SLC6A15: variants seen among roughly 807,000 people sequenced by gnomAD.
SLC6A15 encodes the protein solute carrier family 6 member 15.
Under a neutral mutation model 68.5 loss-of-function variants are expected in SLC6A15, and 33 were observed. The observed-to-expected ratio is 0.48, with a 90% CI of 0.37 to 0.64. The LOEUF is 0.64. Ranked by LOEUF, SLC6A15 falls within the 30% of genes least tolerant of loss-of-function variation. The pLI is 0.00. For missense variants in SLC6A15, 747 were observed against 874.3 expected (o/e 0.85, Z 1.84); for synonymous variants, 347 against 301.0 (o/e 1.15, Z -1.58).
intron 2 of SLC6A15, among the ~76,000 whole-genome samples, chr12:84,891,278 G>A (rs1466211722): frequency 6.6e-6 from 1 of 152,134 alleles, no homozygotes; most frequent in Non-Finnish European, 1.5e-5. Flanking sequence ...TGCATAAAAT[G>A]CCTAAGAATG....
In SLC6A15 at chr12:84,891,905, C is replaced by T. The variant is rs770670169; in HGVS notation, c.216G>A (p.Leu72=). ...PAWNSKLQYI[L]AQVGFSVGLG... ...AACCTACAGAAAATCCAACTTGGGCCAGGATGTATTGTAGTTTACTGTTCC... is the reference window on the plus strand; with the variant it reads ...AACCTACAGAAAATCCAACTTGGGCTAGGATGTATTGTAGTTTACTGTTCC... The change falls in exon 2 of 12, where the codon CTG becomes CTA. Residue 72 remains leucine, a synonymous_variant. Coordinates refer to ENST00000266682, the MANE Select transcript of SLC6A15 (RefSeq NM_182767.6). The T allele has an allele frequency of 6.2e-7, 1 of 1,613,962 alleles. No individual in the cohort carries two copies. Among genetic ancestry groups the T allele is most frequent in the Admixed American group, 1.7e-5 (1 of 59,992 alleles).
chr12:84,908,246 A>T (rs959092736), intron 1 of SLC6A15, among the ~76,000 whole-genome samples: 3 of 152,094 alleles, frequency 2.0e-5, no homozygotes, highest in Non-Finnish European at 4.4e-5. Flanking sequence ...GGGACTCAAC[A>T]CCCATCTCAA....
Position 84,912,692 on chromosome 12 carries a change from C to T in SLC6A15, c.-358G>A, listed in dbSNP as rs1027683136. ...GGACCCGGAGCTGGGTTTTGGGGGT[C>T]GCCGCCCTGCAGGCTGGCAAGGAGA... is the stretch of plus-strand genomic sequence containing the variant. On this transcript the variant is annotated 5_prime_UTR_variant, in exon 1 of 12. Coordinates refer to ENST00000266682, the MANE Select transcript of SLC6A15 (RefSeq NM_182767.6). 1.3e-5 allele frequency: 2 copies of T among 152,540 alleles called. No homozygotes were observed. The highest frequency in any genetic ancestry group is 2.9e-5 in the Non-Finnish European group (2 of 68,402). 9.4% of individuals were successfully genotyped at this position (152,540 alleles called of 1,614,324 possible). A position where few individuals can be genotyped will look rare whatever the true frequency, so the allele number is the denominator to read the frequency against.
At chr12:84,884,887 A>C (rs1408502771) in intron 4 of SLC6A15, among the ~76,000 whole-genome samples, 4 of 151,936 alleles carry the variant, frequency 2.6e-5, no homozygotes, top group African/African-American at 7.2e-5. Context: ...AAAATATTTC[A>C]TCTATTTCTT....
chr12:84,906,976 GA>G lies in SLC6A15; in HGVS notation c.-189+5546del, dbSNP rs950755525. Among the ~76,000 whole-genome samples, 46 of 148,188 alleles carry G rather than the reference GA, an allele frequency of 3.1e-4. No individual in the cohort carries two copies. The Middle Eastern group carries it at 0.01, about 33-fold the overall frequency. ...TGAGAAAGAATCTATTAAGAGGATGGAAAAAAAAAAGCTTAAAAATGGGAGA... is the reference window on the plus strand; with the variant it reads ...TGAGAAAGAATCTATTAAGAGGATGGAAAAAAAAAGCTTAAAAATGGGAGA... On this transcript the variant is annotated intron_variant, in intron 1 of 11. Coordinates refer to ENST00000266682, the MANE Select transcript of SLC6A15 (RefSeq NM_182767.6).
intron 1 of SLC6A15, 137 bp from the exon 2 acceptor site, chr12:84,892,445 C>G (rs1872454082): frequency 5.5e-6 from 1 of 181,412 alleles, no homozygotes; most frequent in Non-Finnish European, 1.1e-5. Flanking sequence ...CATTTCAGAG[C>G]TTAATATTCC....
intron 1 of SLC6A15, among the ~76,000 whole-genome samples, chr12:84,895,212 A>G (rs186162375): frequency 1.3e-5 from 2 of 152,122 alleles, no homozygotes; most frequent in African/African-American, 4.8e-5. Context: ...GACATTGTTT[A>G]TCTTACTCAC....
intron 1 of SLC6A15, among the ~76,000 whole-genome samples, chr12:84,900,707 T>C (rs1244699938): frequency 6.6e-6 from 1 of 151,760 alleles, no homozygotes; most frequent in Non-Finnish European, 1.5e-5. Flanking sequence ...GATAACCATA[T>C]CAGTTCTTCA....
chr12:84,868,503 C>T (rs1482480210), intron 9 of SLC6A15, among the ~76,000 whole-genome samples: 2 of 152,066 alleles, frequency 1.3e-5, no homozygotes, highest in African/African-American at 2.4e-5. Context: ...CCTAATTACA[C>T]CCCAGTATGA....
intron 1 of SLC6A15, among the ~76,000 whole-genome samples, chr12:84,903,369 C>T (rs1273871138): frequency 6.6e-6 from 1 of 151,636 alleles, no homozygotes; most frequent in Non-Finnish European, 1.5e-5. Flanking sequence ...GCACATGTAC[C>T]CTAAAACTTA....
In SLC6A15 at chr12:84,860,768, A is replaced by C. The variant is rs1490719160; in HGVS notation, c.*864T>G. On this transcript the variant is annotated 3_prime_UTR_variant, in exon 12 of 12. Coordinates refer to ENST00000266682, the MANE Select transcript of SLC6A15 (RefSeq NM_182767.6). ...AGCAAAACAGAAATATATTAATTAA[A>C]ATGCCATCTTGCTTCAAGTTTTCAA... 6.6e-6 allele frequency: 1 copy of C among 152,174 alleles called. No individual in the cohort carries two copies. 9.4% of individuals were successfully genotyped at this position (152,174 alleles called of 1,614,324 possible).
At chr12:84,882,991 T>A (rs1365993531) in intron 5 of SLC6A15, 16 of 981,880 alleles carry the variant, frequency 1.6e-5, no homozygotes, top group Non-Finnish European at 1.9e-5. Context: ...TGCTAGTATA[T>A]GATGATGAGT....
At chr12:84,871,369 A>G (rs1329431197) in intron 8 of SLC6A15, among the ~76,000 whole-genome samples, 9 of 151,904 alleles carry the variant, frequency 5.9e-5, no homozygotes, top group Non-Finnish European at 4.4e-5. Context: ...AGACACAATG[A>G]ATTTCCAGTC....
At chr12:84,869,523 T>G (rs144150540) in intron 9 of SLC6A15, among the ~76,000 whole-genome samples, 28 of 150,890 alleles carry the variant, frequency 1.9e-4, no homozygotes, top group African/African-American at 6.6e-4. Flanking sequence ...CCAGCATTCA[T>G]GGTCATCTCT....
intron 1 of SLC6A15, among the ~76,000 whole-genome samples, chr12:84,909,822 T>C (rs1005411089): frequency 6.6e-6 from 1 of 152,324 alleles, no homozygotes; most frequent in East Asian, 1.9e-4. Flanking sequence ...AATGATTCAA[T>C]TTCCTAGATG....
At position 84,892,271 on chromosome 12, in the gene SLC6A15, T is replaced by C; in HGVS notation, c.-151A>G. On this transcript the variant is annotated 5_prime_UTR_variant, in exon 2 of 12. Transcript: ENST00000266682. The stretch of plus-strand genomic sequence containing the variant: ...CTTGATTCAAGGTGATAAAGCCTTA[T>C]GGATTCTGAATCCGTATGTCCAGTA... 1 of 694,964 alleles carries C rather than the reference T, an allele frequency of 1.4e-6. No individual in the cohort carries two copies. The highest frequency in any genetic ancestry group is 2.3e-6 in the Non-Finnish European group (1 of 434,796). 43.0% of individuals were successfully genotyped at this position (694,964 alleles called of 1,614,324 possible). A position where few individuals can be genotyped will look rare whatever the true frequency, so the allele number is the denominator to read the frequency against.
chr12:84,878,021 C>A (rs967285934), intron 5 of SLC6A15, among the ~76,000 whole-genome samples: 1 of 152,060 alleles, frequency 6.6e-6, no homozygotes, highest in Non-Finnish European at 1.5e-5. Context: ...GCAGATGATG[C>A]TTCCGGGCAG....
Position 84,891,979 on chromosome 12 carries a change from C to T in SLC6A15, c.142G>A (p.Asp48Asn). 6.2e-7 allele frequency: 1 copy of T among 1,613,982 alleles called. No homozygotes were observed. The highest frequency in any genetic ancestry group is 1.3e-5 in the African/African-American group (1 of 74,990). The change falls in exon 2 of 12, where the codon GAT (aspartate) becomes AAT (asparagine). Residue 48 changes from aspartate (D) to asparagine (N), a missense_variant. Transcript: ENST00000266682. ...TCAGATCCTTCTTCAACATCTGTAT[C>T]TTTCTCTTCCTGGCCATCAACAATT... is the stretch of plus-strand genomic sequence containing the variant. Reference protein sequence around the residue: ...ELIVDGQEEKDTDVEEGSEVE... With the variant: ...ELIVDGQEEKNTDVEEGSEVE...
In SLC6A15 at chr12:84,883,856, A is replaced by G; in HGVS notation, c.756+3T>C. On this transcript the variant is annotated splice_donor_region_variant and intron_variant, in intron 5 of 11. Coordinates refer to ENST00000266682, the MANE Select transcript of SLC6A15 (RefSeq NM_182767.6). The stretch of plus-strand genomic sequence containing the variant: ...GAATGAGGAAGGGCTCTAACATACT[A>G]ACTTTTCCAGAAGACTGAATGCCTT... 6.2e-7 allele frequency: 1 copy of G among 1,614,110 alleles called. No individual in the cohort carries two copies. The highest frequency in any genetic ancestry group is 2.2e-5 in the East Asian group (1 of 44,862).
Sources: allele counts gnomAD v4.1 joint callset (sites outside exome capture counted in the v4.1 genomes callset), GRCh38; gene constraint gnomAD v4.1.1; transcripts MANE v1.5; gene names NCBI Gene and HGNC (gene_info 2026-07-23, HGNC 2026-07-21).